ZFPM2: variants seen among roughly 807,000 people sequenced by gnomAD.
ZFPM2 encodes zinc finger protein, FOG family member 2.
In ZFPM2, 20 loss-of-function variants were observed where a neutral mutation model predicts 98.6. The observed-to-expected ratio is 0.20, with a 90% CI of 0.14 to 0.29. ZFPM2 has a LOEUF of 0.29. Ranked by LOEUF, ZFPM2 falls within the 10% of genes least tolerant of loss-of-function variation. The pLI is 1.00. For synonymous variants in ZFPM2, 518 were observed against 502.7 expected, an observed-to-expected ratio of 1.03 and a Z score of -0.41; for missense variants, 1,310 against 1,388.6, an observed-to-expected ratio of 0.94 and a Z score of 0.90.
intron 5 of ZFPM2, chr8:105,737,207 G>T (rs1485423965): frequency 6.6e-6 from 1 of 152,006 alleles, no homozygotes; most frequent in Admixed American, 6.6e-5. Context: ...TTCATGAAAA[G>T]AAGATGGCAT....
chr8:105,366,157 G>C (rs1290364243), intron 1 of ZFPM2, among the ~76,000 whole-genome samples: 3 of 152,138 alleles, frequency 2.0e-5, no homozygotes, highest in Admixed American at 2.0e-4. Flanking sequence ...ATATTGACTT[G>C]TGAACACATT....
intron 5 of ZFPM2, among the ~76,000 whole-genome samples, chr8:105,649,828 T>G (rs1246999336): frequency 6.6e-6 from 1 of 152,212 alleles, no homozygotes; most frequent in East Asian, 1.9e-4. Context: ...TCAAGGATAT[T>G]GGTCTAAAAT....
At chr8:105,479,509 GT>G (rs1813076927) in intron 3 of ZFPM2, among the ~76,000 whole-genome samples, 1 of 152,158 alleles carries the variant, frequency 6.6e-6, no homozygotes, top group Admixed American at 6.5e-5. Context: ...ACATAATGTG[GT>G]AATGTCTATA....
At chr8:105,497,180 T>A (rs1225930106) in intron 3 of ZFPM2, among the ~76,000 whole-genome samples, 1 of 151,566 alleles carries the variant, frequency 6.6e-6, no homozygotes, top group Non-Finnish European at 1.5e-5. Context: ...AGAGAGCGGG[T>A]TTCACCGTGT....
chr8:105,571,213 A>T (rs977588643), intron 4 of ZFPM2, among the ~76,000 whole-genome samples: 10 of 152,294 alleles, frequency 6.6e-5, no homozygotes, highest in African/African-American at 2.4e-4. Flanking sequence ...GGATCCTTAC[A>T]TGAATTTTCT....
At chr8:105,767,747 G>A (rs143213973) in intron 5 of ZFPM2, among the ~76,000 whole-genome samples, 1 of 151,786 alleles carries the variant, frequency 6.6e-6, no homozygotes, top group Admixed American at 6.6e-5. Context: ...ACTAAGAGAG[G>A]CTAGCAGTTC....
At chr8:105,373,564 C>A (rs1282344221) in intron 1 of ZFPM2, among the ~76,000 whole-genome samples, 1 of 152,082 alleles carries the variant, frequency 6.6e-6, no homozygotes, top group Non-Finnish European at 1.5e-5. Context: ...AGAAATCTCA[C>A]ATGAATAAAC....
At chr8:105,682,417 G>A (rs1033204082) in intron 5 of ZFPM2, among the ~76,000 whole-genome samples, 1 of 152,142 alleles carries the variant, frequency 6.6e-6, no homozygotes, top group African/African-American at 2.4e-5. Flanking sequence ...AGTATTGCTG[G>A]AGCATTTGAA....
rs34267329 is a variant in ZFPM2, at chr8:105,754,946, ATGTGTGTGTGTGTGTG to A, written c.533-33749_533-33734del. ...TTGTGACGGTCTGGAGAAATTTAAT[ATGTGTGTGTGTGTGTG>A]TGTGTGTGTGTGTGTGTGTGTGCAC... On this transcript the variant is annotated intron_variant, in intron 5 of 7. Transcript: ENST00000407775. 5.9e-3 allele frequency among the ~76,000 whole-genome samples: 864 copies of A among 146,548 alleles called. 7 individuals carry two copies. Among genetic ancestry groups the A allele is most frequent in the African/African-American group, 0.019 (762 of 40,392 alleles).
chr8:105,342,170 T>C (rs1355238215), intron 1 of ZFPM2, among the ~76,000 whole-genome samples: 1 of 151,996 alleles, frequency 6.6e-6, no homozygotes, highest in Non-Finnish European at 1.5e-5. Context: ...AATATGGAGA[T>C]TATAAAGAAA....
At chr8:105,671,654 T>A (rs1261229390) in intron 5 of ZFPM2, among the ~76,000 whole-genome samples, 1 of 151,992 alleles carries the variant, frequency 6.6e-6, no homozygotes, top group Admixed American at 6.6e-5. Context: ...AATAGGTGGT[T>A]TTTTTTTACT....
intron 3 of ZFPM2, among the ~76,000 whole-genome samples, chr8:105,553,485 G>T (rs1379041677): frequency 6.6e-6 from 1 of 152,114 alleles, no homozygotes; most frequent in Non-Finnish European, 1.5e-5. Flanking sequence ...CCAGTGTGTT[G>T]TGTTAGAGTT....
chr8:105,472,889 CTTTTTTTTTTTT>C (rs5893744), intron 3 of ZFPM2, among the ~76,000 whole-genome samples: 1 of 109,356 alleles, frequency 9.1e-6, no homozygotes, highest in Non-Finnish European at 1.8e-5. Flanking sequence ...CTAAAGGGAC[CTTTTTTTTTTTT>C]TTTTTTTTTA....
chr8:105,550,363 T>G (rs781349920), intron 3 of ZFPM2, among the ~76,000 whole-genome samples: 1 of 152,136 alleles, frequency 6.6e-6, no homozygotes, highest in Admixed American at 6.6e-5. Context: ...CCTAGTTAAG[T>G]TGTTACATTT....
chr8:105,440,033 T>A (rs1274568027), intron 2 of ZFPM2, among the ~76,000 whole-genome samples: 1 of 152,230 alleles, frequency 6.6e-6, no homozygotes, highest in African/African-American at 2.4e-5. Flanking sequence ...AAACTGATAT[T>A]TTATTAAATA....
intron 3 of ZFPM2, among the ~76,000 whole-genome samples, chr8:105,540,164 A>C (rs1362902400): frequency 6.6e-6 from 1 of 152,070 alleles, no homozygotes; most frequent in Non-Finnish European, 1.5e-5. Flanking sequence ...CCTATTTTTT[A>C]GAATATTCTT....
intron 3 of ZFPM2, among the ~76,000 whole-genome samples, chr8:105,536,858 C>G (rs17215901): frequency 0.11 from 17,249 of 152,128 alleles, 1,101 homozygotes; most frequent in Admixed American, 0.17. Context: ...GTGGTCAAAT[C>G]AAAAGTCTCC....
chr8:105,550,707 G>A (rs1030200331), intron 3 of ZFPM2, among the ~76,000 whole-genome samples: 26 of 152,142 alleles, frequency 1.7e-4, no homozygotes, highest in African/African-American at 6.0e-4. Flanking sequence ...CTGACAAGGA[G>A]AGGCTGTGTG....
At chr8:105,431,184 AGGCATGAGCCACCACACCT>A (rs1812013023) in intron 2 of ZFPM2, among the ~76,000 whole-genome samples, 1 of 152,090 alleles carries the variant, frequency 6.6e-6, no homozygotes, top group Admixed American at 6.5e-5. Flanking sequence ...CTGGGGTTAC[AGGCATGAGCCACCACACCT>A]GGCCCACAAC....
Sources: allele counts gnomAD v4.1 joint callset (sites outside exome capture counted in the v4.1 genomes callset), GRCh38; gene constraint gnomAD v4.1.1; transcripts MANE v1.5; gene names NCBI Gene and HGNC (gene_info 2026-07-23, HGNC 2026-07-21).